PIK3CD: variants seen among roughly 807,000 people sequenced by gnomAD.
The protein encoded by PIK3CD is phosphatidylinositol-4,5-bisphosphate 3-kinase catalytic subunit delta, also known as phosphatidylinositol 4,5-bisphosphate 3-kinase catalytic subunit delta isoform.
In PIK3CD, 20 loss-of-function variants were observed where a neutral mutation model predicts 122.9. That is an observed-to-expected ratio of 0.16 (90% confidence interval 0.11 to 0.24). The LOEUF (loss-of-function observed/expected upper bound fraction) is 0.24. PIK3CD is among the 10% of genes least tolerant of loss of function. The pLI is 1.00. For missense variants in PIK3CD, 787 were observed against 1,406.3 expected, an observed-to-expected ratio of 0.56 and a Z score of 7.04; for synonymous variants, 596 against 593.4, an observed-to-expected ratio of 1.00 and a Z score of -0.06.
intron 1 of PIK3CD, among the ~76,000 whole-genome samples, 186 bp downstream of exon 1, chr1:9,651,988 G>T (rs2100675125): frequency 6.6e-6 from 1 of 151,920 alleles, no homozygotes; most frequent in East Asian, 1.9e-4. Flanking sequence ...GGGAGCCCCG[G>T]GGGCCGGGCT....
intron 1 of PIK3CD, among the ~76,000 whole-genome samples, chr1:9,676,820 C>T (rs759031310): frequency 2.6e-5 from 4 of 152,114 alleles, no homozygotes; most frequent in South Asian, 2.1e-4. Context: ...GGGGGCTGGC[C>T]GCTGTAGCCT....
chr1:9,629,306 C>T, the PIK3CD span, among the ~76,000 whole-genome samples: 12 of 152,082 alleles, frequency 7.9e-5, no homozygotes, highest in East Asian at 5.8e-4. Flanking sequence ...TCCTCTTCTC[C>T]GAGAAAGAGG....
chr1:9,690,403 C>T (rs376370444), intron 1 of PIK3CD, among the ~76,000 whole-genome samples: 16 of 152,310 alleles, frequency 1.1e-4, no homozygotes, highest in African/African-American at 3.8e-4. Context: ...TCCTTATGAT[C>T]CTGTCTCATT....
intron 1 of PIK3CD, among the ~76,000 whole-genome samples, chr1:9,666,842 C>T (rs1645174968): frequency 6.6e-6 from 1 of 151,424 alleles, no homozygotes; most frequent in Non-Finnish European, 1.5e-5. Flanking sequence ...GCTGGGATTA[C>T]AGGCTTGCGC....
At chr1:9,716,918 G>A (rs1244183170) in intron 6 of PIK3CD, 41 bp from the exon 7 acceptor site, 1 of 1,612,998 alleles carries the variant, frequency 6.2e-7, no homozygotes, top group African/African-American at 1.3e-5. Context: ...GGGAGTGGTT[G>A]GGGCCGCCCC....
intron 2 of PIK3CD, among the ~76,000 whole-genome samples, chr1:9,708,290 T>C (rs1394264017): frequency 3.9e-5 from 6 of 152,202 alleles, no homozygotes; most frequent in South Asian, 2.1e-4. Context: ...CAAGCGATTC[T>C]CATGCCTCAG....
At chr1:9,645,089 A>T in the PIK3CD span, among the ~76,000 whole-genome samples, 1 of 144,124 alleles carries the variant, frequency 6.9e-6, no homozygotes, top group African/African-American at 2.6e-5. Context: ...GCAGTGGCGC[A>T]ACCTCGGCTC....
At position 9,652,036 on chromosome 1, in the gene PIK3CD, G is replaced by A. The variant is rs1644687680; in HGVS notation, c.-138+234G>A. Among the ~76,000 whole-genome samples the A allele has an allele frequency of 2.0e-5, 3 of 151,888 alleles. No individual in the cohort carries two copies. Among genetic ancestry groups the A allele is most frequent in the African/African-American group, 4.8e-5 (2 of 41,494 alleles). The stretch of plus-strand genomic sequence containing the variant: ...GCGGGGGCTGCCCTAGAGGCCCGGG[G>A]CCGTCCCCCGTGGGCCCGCCGAGAG... On this transcript the variant is annotated intron_variant, in intron 1 of 23. Coordinates refer to ENST00000377346, the MANE Select transcript of PIK3CD (RefSeq NM_005026.5). The surrounding 1 kb of genome is among the most constrained non-coding windows in gnomAD (Gnocchi z 6.2).
the PIK3CD span, among the ~76,000 whole-genome samples, chr1:9,638,955 T>C: frequency 1.1e-4 from 17 of 151,626 alleles, no homozygotes; most frequent in Admixed American, 1.1e-3. Flanking sequence ...TTTGTGGAGA[T>C]GGGATTTTGC....
intron 15 of PIK3CD, 64 bp downstream of exon 15, chr1:9,721,651 C>T (rs1300276018): frequency 1.9e-6 from 3 of 1,609,562 alleles, no homozygotes; most frequent in African/African-American, 1.3e-5. Context: ...TGGAAGGCCA[C>T]TGGGGACGTT....
At chr1:9,642,424 T>C in the PIK3CD span, among the ~76,000 whole-genome samples, 1 of 151,156 alleles carries the variant, frequency 6.6e-6, no homozygotes, top group South Asian at 2.1e-4. Context: ...CTGTTCTATT[T>C]TTTTAAAACT....
rs1255179931 is a variant in PIK3CD, at chr1:9,709,937, C to T, written c.-32-487C>T. On this transcript the variant is annotated intron_variant, in intron 2 of 23. Transcript: ENST00000377346. ...AGGAGAATCTCTTGAACCCAAGAGGCGGAGATTGCAGTGAGCCGAGGTGGT... is the reference window on the plus strand; with the variant it reads ...AGGAGAATCTCTTGAACCCAAGAGGTGGAGATTGCAGTGAGCCGAGGTGGT... 2.0e-5 allele frequency among the ~76,000 whole-genome samples: 3 copies of T among 151,382 alleles called. No homozygotes were observed. The South Asian group carries it at 6.3e-4, about 32-fold the overall frequency.
chr1:9,644,035 T>C, the PIK3CD span, among the ~76,000 whole-genome samples: 1 of 152,206 alleles, frequency 6.6e-6, no homozygotes, highest in African/African-American at 2.4e-5. Flanking sequence ...CCCCACTCCC[T>C]GGGTGCTCAG....
In PIK3CD at chr1:9,652,177, G is replaced by C. The variant is rs1434576376; in HGVS notation, c.-138+375G>C. Reference sequence around the variant, plus strand: ...GCCTCCGGTGCGCCGGCTGAGGCGCGAGGATACTGGAAGCGCTCAGCGCGT... The same window carrying C: ...GCCTCCGGTGCGCCGGCTGAGGCGCCAGGATACTGGAAGCGCTCAGCGCGT... On this transcript the variant is annotated intron_variant, in intron 1 of 23. Coordinates refer to ENST00000377346, the MANE Select transcript of PIK3CD (RefSeq NM_005026.5). This position sits in a 1 kb window ranked among gnomAD's most constrained non-coding sequence, Gnocchi z 6.2. 2.0e-5 allele frequency among the ~76,000 whole-genome samples: 3 copies of C among 152,126 alleles called. No individual in the cohort carries two copies. Among genetic ancestry groups the C allele is most frequent in the South Asian group, 2.1e-4 (1 of 4,832 alleles).
At chr1:9,687,448 G>A (rs1050063757) in intron 1 of PIK3CD, 2 of 152,530 alleles carry the variant, frequency 1.3e-5, no homozygotes, top group South Asian at 2.1e-4. Flanking sequence ...CGCCCTGGGG[G>A]GGTCCGGTGT....
intron 1 of PIK3CD, among the ~76,000 whole-genome samples, chr1:9,669,807 T>C (rs1216365528): frequency 6.6e-6 from 1 of 152,146 alleles, no homozygotes; most frequent in East Asian, 1.9e-4. Context: ...AACTACTTCA[T>C]GAGAATTTTC....
intron 1 of PIK3CD, among the ~76,000 whole-genome samples, chr1:9,690,614 C>G (rs1002199107): frequency 6.6e-6 from 1 of 152,150 alleles, no homozygotes; most frequent in South Asian, 2.1e-4. Context: ...CCTGGGCTCC[C>G]GCAGCAGGGT....
Position 9,721,805 on chromosome 1 carries a change from T to C in PIK3CD, c.2000T>C (p.Ile667Thr). 1 of 1,613,196 alleles carries C rather than the reference T, an allele frequency of 6.2e-7. No homozygotes were observed. Among genetic ancestry groups the C allele is most frequent in the Non-Finnish European group, 8.5e-7 (1 of 1,179,920 alleles). ...VPSVALRFGLILEAYCRGSTH... is the reference protein window; with the variant it reads ...VPSVALRFGLTLEAYCRGSTH... ...TCGGTGGCCCTGCGCTTCGGCCTCA[T>C]CCTGGAGGCCTACTGCAGGGGCAGC... is the stretch of plus-strand genomic sequence containing the variant. Residue 667 changes from isoleucine (I) to threonine (T), a missense_variant, in exon 16 of 24, where the codon ATC (isoleucine) becomes ACC (threonine). Around this residue, in one of 6 missense-constraint regions of PIK3CD, gnomAD observed 592 missense variants for 920.6 expected, o/e 0.64. Transcript: ENST00000377346.
the PIK3CD span, among the ~76,000 whole-genome samples, chr1:9,636,502 C>G: frequency 6.6e-6 from 1 of 152,058 alleles, no homozygotes; most frequent in Non-Finnish European, 1.5e-5. Flanking sequence ...CTTTGCATTG[C>G]GTTTTTTCAG....
Sources: allele counts gnomAD v4.1 joint callset (sites outside exome capture counted in the v4.1 genomes callset), GRCh38; gene constraint gnomAD v4.1.1; regional missense constraint gnomAD v4.1.1; non-coding constraint Gnocchi (gnomAD v3.1); transcripts MANE v1.5; gene names NCBI Gene and HGNC (gene_info 2026-07-23, HGNC 2026-07-21).